CFAP206: variants seen among roughly 807,000 people sequenced by gnomAD.
CFAP206 encodes cilia and flagella associated protein 206.
In CFAP206, 53 loss-of-function variants were observed where a neutral mutation model predicts 65.4. That is an observed-to-expected ratio of 0.81 (90% CI 0.65 to 1.02). The LOEUF is 1.02. Among genes scored for constraint, CFAP206 ranks in the 50% least tolerant of loss-of-function variants. The pLI is 0.00. For missense variants in CFAP206, 663 were observed against 753.2 expected, an observed-to-expected ratio of 0.88 and a Z score of 1.40; for synonymous variants, 250 against 254.4, an observed-to-expected ratio of 0.98 and a Z score of 0.17.
chr6:87,445,020 T>C (rs1768419991), intron 11 of CFAP206: 1 of 520,020 alleles, frequency 1.9e-6, no homozygotes, highest in Admixed American at 2.0e-5. Flanking sequence ...CTCTTTGGCA[T>C]GTAGAATGGT....
chr6:87,421,804 C>A (rs1243606802), intron 7 of CFAP206, among the ~76,000 whole-genome samples: 1 of 152,092 alleles, frequency 6.6e-6, no homozygotes, highest in Non-Finnish European at 1.5e-5. Context: ...TTTGCAGGGC[C>A]CATTCACAGA....
intron 1 of CFAP206, 81 bp downstream of exon 1, chr6:87,408,170 C>G: frequency 1.4e-6 from 1 of 732,668 alleles, no homozygotes; most frequent in Non-Finnish European, 1.7e-6. Flanking sequence ...TGGCGGAGCT[C>G]GGGCGGCTGG....
chr6:87,461,932 A>G (rs1403949821), intron 12 of CFAP206, among the ~76,000 whole-genome samples: 1 of 152,198 alleles, frequency 6.6e-6, no homozygotes, highest in African/African-American at 2.4e-5. Context: ...AAAAGGGGGA[A>G]GCCTTCAGAT....
chr6:87,464,298 C>A lies in CFAP206; in HGVS notation c.*48C>A. 6.9e-7 allele frequency: 1 copy of A among 1,450,252 alleles called. No individual in the cohort carries two copies. Among genetic ancestry groups the A allele is most frequent in the Non-Finnish European group, 9.5e-7 (1 of 1,052,128 alleles). The allele number at this position is 1,450,252 out of a possible 1,614,324, so 89.8% of individuals were successfully genotyped here. On this transcript the variant is annotated 3_prime_UTR_variant, in exon 13 of 13. Transcript: ENST00000369562. ...GATGCTACTCAATTATGAACAATAG[C>A]AAGTACTTAAAGGTATATTAACATC...
At chr6:87,441,915 C>A in intron 11 of CFAP206, 1 of 302,510 alleles carries the variant, frequency 3.3e-6, no homozygotes, top group South Asian at 3.7e-5. Flanking sequence ...CATATGTCTT[C>A]CAAATAAAAT....
At chr6:87,457,845 C>A (rs1768675576) in intron 11 of CFAP206, among the ~76,000 whole-genome samples, 1 of 152,154 alleles carries the variant, frequency 6.6e-6, no homozygotes, top group Non-Finnish European at 1.5e-5. Flanking sequence ...AGTTAAAAAG[C>A]TTCTGCACAG....
chr6:87,428,947 A>C (rs1042504497), intron 9 of CFAP206, 123 bp downstream of exon 9: 4 of 983,874 alleles, frequency 4.1e-6, no homozygotes, highest in Non-Finnish European at 6.0e-6. Flanking sequence ...TTGATTATAA[A>C]GTACTAATGA....
chr6:87,423,597 G>A (rs6912958), intron 7 of CFAP206, among the ~76,000 whole-genome samples: 99,532 of 152,194 alleles, frequency 0.65, 33,903 homozygotes, highest in African/African-American at 0.85. Flanking sequence ...ATTGCATGTC[G>A]AATGCAACTT....
chr6:87,412,317 T>A (rs1253376608), intron 3 of CFAP206, among the ~76,000 whole-genome samples: 2 of 152,166 alleles, frequency 1.3e-5, no homozygotes, highest in African/African-American at 4.8e-5. Context: ...CAGTCTTGCA[T>A]TCTCCCCTCC....
At chr6:87,459,985 T>G (rs1319540674) in intron 11 of CFAP206, among the ~76,000 whole-genome samples, 1 of 152,230 alleles carries the variant, frequency 6.6e-6, no homozygotes, top group Non-Finnish European at 1.5e-5. Context: ...CTAATTTACT[T>G]GCCATTTACT....
intron 1 of CFAP206, 31 bp downstream of exon 1, chr6:87,408,120 C>G (rs1294034606): frequency 1.0e-6 from 1 of 972,070 alleles, no homozygotes; most frequent in East Asian, 1.1e-4. Flanking sequence ...GCGCCCTTGA[C>G]CCGGAGGCGT....
intron 4 of CFAP206, among the ~76,000 whole-genome samples, chr6:87,414,319 C>T (rs1311041262): frequency 6.6e-6 from 1 of 152,056 alleles, no homozygotes; most frequent in Non-Finnish European, 1.5e-5. Flanking sequence ...TTTTTTGAGA[C>T]AGAGTCTTGC....
intron 7 of CFAP206, among the ~76,000 whole-genome samples, chr6:87,423,414 A>T (rs1209631861): frequency 6.6e-6 from 1 of 150,906 alleles, no homozygotes; most frequent in Non-Finnish European, 1.5e-5. Flanking sequence ...ACGTCCGGCT[A>T]ATTTTTTGTA....
intron 11 of CFAP206, among the ~76,000 whole-genome samples, chr6:87,452,627 T>C (rs1768565268): frequency 6.6e-6 from 1 of 151,994 alleles, no homozygotes; most frequent in Non-Finnish European, 1.5e-5. Flanking sequence ...TCAGATAAAT[T>C]TAACAAAGAG....
chr6:87,437,064 A>G (rs1054552986), intron 11 of CFAP206, among the ~76,000 whole-genome samples: 5 of 151,896 alleles, frequency 3.3e-5, no homozygotes, highest in South Asian at 4.1e-4. Flanking sequence ...TCCACCTCCC[A>G]GGTTCAAGCA....
At position 87,433,066 on chromosome 6, in the gene CFAP206, G is replaced by C. The variant is rs551690646; in HGVS notation, c.1301-1794G>C. Among the ~76,000 whole-genome samples, 5 of 152,284 alleles carry C rather than the reference G, an allele frequency of 3.3e-5. No individual in the cohort carries two copies. The South Asian group carries it at 1.0e-3, about 32-fold the overall frequency. On this transcript the variant is annotated intron_variant, in intron 10 of 12. Coordinates refer to ENST00000369562, the MANE Select transcript of CFAP206 (RefSeq NM_001031743.3). ...CTTCAGTGGCACTGGCTTTCTTGCT[G>C]TTGTTGAACAGTTGAAGCCCACTTT... is the stretch of plus-strand genomic sequence containing the variant.
chr6:87,436,519 C>G (rs530475409), intron 11 of CFAP206, among the ~76,000 whole-genome samples: 1 of 152,254 alleles, frequency 6.6e-6, no homozygotes, highest in Non-Finnish European at 1.5e-5. Flanking sequence ...AGAGGATGGT[C>G]TGAACACACA....
At chr6:87,427,430 C>T (rs141938980) in intron 8 of CFAP206, among the ~76,000 whole-genome samples, 2,878 of 152,286 alleles carry the variant, frequency 0.019, 70 homozygotes, top group East Asian at 0.13. Flanking sequence ...TGAGCCACTG[C>T]GCCCAGCCTA....
At chr6:87,460,000 TGGTACAG>T (rs1768716561) in intron 11 of CFAP206, among the ~76,000 whole-genome samples, 1 of 152,242 alleles carries the variant, frequency 6.6e-6, no homozygotes, top group African/African-American at 2.4e-5. Context: ...TTTACTTGTA[TGGTACAG>T]TATTATTAAC....
Sources: allele counts gnomAD v4.1 joint callset (sites outside exome capture counted in the v4.1 genomes callset), GRCh38; gene constraint gnomAD v4.1.1; transcripts MANE v1.5; gene names NCBI Gene and HGNC (gene_info 2026-07-23, HGNC 2026-07-21).